The following RBL1 variants were observed in gnomAD, a reference collection of about 807,000 sequenced individuals.
The protein encoded by RBL1 is RB transcriptional corepressor like 1.
In RBL1, 82 loss-of-function variants were observed where a neutral mutation model predicts 123.0. The observed-to-expected ratio is 0.67, with a 90% confidence interval of 0.56 to 0.80. The LOEUF (loss-of-function observed/expected upper bound fraction) is 0.80. RBL1 is among the 30% of genes least tolerant of loss of function. RBL1 has a pLI of 0.00. For synonymous variants in RBL1, 405 were observed against 441.3 expected, an observed-to-expected ratio of 0.92 and a Z score of 1.03; for missense variants, 1,171 against 1,299.6, an observed-to-expected ratio of 0.90 and a Z score of 1.52.
Position 37,081,939 on chromosome 20 carries a change from A to G in RBL1, c.290+7050T>C, listed in dbSNP as rs948266963. ...TTGGGTGAATGGTACCAAGGCTCCA[A>G]TTATAATATCAGTAAATGGAGGCTC... On this transcript the variant is annotated intron_variant, in intron 2 of 21. Transcript: ENST00000373664. 8.8e-6 allele frequency: 4 copies of G among 454,918 alleles called. No homozygotes were observed. The Admixed American group carries it at 9.5e-5, about 11-fold the overall frequency. The allele number at this position is 454,918 out of a possible 1,614,324, so 28.2% of individuals were successfully genotyped here. A position where few individuals can be genotyped will look rare whatever the true frequency, so the allele number is the denominator to read the frequency against.
At chr20:37,039,928 A>G (rs1166957618) in intron 14 of RBL1, among the ~76,000 whole-genome samples, 1 of 152,074 alleles carries the variant, frequency 6.6e-6, no homozygotes, top group African/African-American at 2.4e-5. Context: ...ATATTTATTA[A>G]ATAAATTACA....
intron 16 of RBL1, among the ~76,000 whole-genome samples, chr20:37,031,560 T>C (rs2064512105): frequency 6.6e-6 from 1 of 152,300 alleles, no homozygotes; most frequent in South Asian, 2.1e-4. Context: ...ACACGAAACG[T>C]TGGCAACGAT....
At chr20:37,023,737 G>A (rs375830727) in intron 16 of RBL1, among the ~76,000 whole-genome samples, 6 of 149,922 alleles carry the variant, frequency 4.0e-5, no homozygotes, top group Non-Finnish European at 8.9e-5. Flanking sequence ...CTTGATAACC[G>A]TGATGTGGTA....
chr20:37,014,500 TTAA>T (rs1345440891), intron 19 of RBL1, among the ~76,000 whole-genome samples: 7 of 152,124 alleles, frequency 4.6e-5, no homozygotes, highest in African/African-American at 1.7e-4. Context: ...ATATATCTAG[TTAA>T]TAACCGTATG....
At chr20:37,066,600 G>A in intron 6 of RBL1, 124 bp downstream of exon 6, 2 of 847,632 alleles carry the variant, frequency 2.4e-6, no homozygotes, top group Admixed American at 2.8e-5. Flanking sequence ...TCACAGTAGA[G>A]GCTAAAGCCT....
intron 2 of RBL1, among the ~76,000 whole-genome samples, chr20:37,086,679 T>C (rs530896927): frequency 1.3e-5 from 2 of 152,368 alleles, no homozygotes; most frequent in South Asian, 2.1e-4. Context: ...ACAAATAGTT[T>C]TGTCCCAGAA....
chr20:37,053,905 A>G (rs1482099236), intron 11 of RBL1, among the ~76,000 whole-genome samples: 1 of 152,204 alleles, frequency 6.6e-6, no homozygotes, highest in East Asian at 1.9e-4. Flanking sequence ...GTAGAAGTGG[A>G]AAACAATAAT....
intron 21 of RBL1, among the ~76,000 whole-genome samples, chr20:37,000,920 C>A (rs2063965330): frequency 6.9e-6 from 1 of 144,760 alleles, no homozygotes; most frequent in Non-Finnish European, 1.5e-5. Context: ...CCCCGCCCGG[C>A]CAGCCGCCCC....
chr20:37,054,827 C>T (rs946565326), intron 11 of RBL1, among the ~76,000 whole-genome samples: 7 of 149,762 alleles, frequency 4.7e-5, no homozygotes, highest in Admixed American at 2.7e-4. Context: ...AAGACTCAGT[C>T]TAAAAAAAAA....
At chr20:37,043,585 T>A (rs925271097) in intron 13 of RBL1, among the ~76,000 whole-genome samples, 3 of 152,020 alleles carry the variant, frequency 2.0e-5, no homozygotes, top group Non-Finnish European at 4.4e-5. Context: ...AGAAGGACAG[T>A]TTGGGCCGAG....
intron 9 of RBL1, among the ~76,000 whole-genome samples, chr20:37,060,384 CA>C (rs1460077899): frequency 3.9e-5 from 6 of 151,920 alleles, no homozygotes; most frequent in Admixed American, 3.3e-4. Flanking sequence ...ATGCATAACT[CA>C]GGGGTAGTTA....
At chr20:37,054,357 C>T (rs1354856664) in intron 11 of RBL1, among the ~76,000 whole-genome samples, 1 of 151,842 alleles carries the variant, frequency 6.6e-6, no homozygotes, top group African/African-American at 2.4e-5. Context: ...TGGTGGCAGG[C>T]GCCTGTAATC....
intron 16 of RBL1, among the ~76,000 whole-genome samples, chr20:37,030,512 G>A (rs979737758): frequency 1.3e-5 from 2 of 151,324 alleles, no homozygotes; most frequent in African/African-American, 4.9e-5. Flanking sequence ...TTAAGCTCAC[G>A]AGTTGAGACC....
chr20:37,075,707 C>T (rs1260419690), intron 2 of RBL1, among the ~76,000 whole-genome samples: 16 of 152,148 alleles, frequency 1.1e-4, no homozygotes, highest in African/African-American at 3.6e-4. Context: ...CCACCCACCT[C>T]GGCCTCCCAA....
intron 19 of RBL1, among the ~76,000 whole-genome samples, chr20:37,015,063 CAAAA>C (rs1185151735): frequency 7.1e-5 from 5 of 70,322 alleles, no homozygotes; most frequent in Non-Finnish European, 1.5e-4. Context: ...GACTGTATCT[CAAAA>C]AAAAAAAAAA....
At chr20:37,022,406 A>G (rs2064355300) in intron 17 of RBL1, among the ~76,000 whole-genome samples, 1 of 152,158 alleles carries the variant, frequency 6.6e-6, no homozygotes, top group South Asian at 2.1e-4. Flanking sequence ...GGCTCACTGC[A>G]GCCTTGGCCT....
chr20:37,034,559 C>T (rs2064571132), intron 15 of RBL1, among the ~76,000 whole-genome samples: 1 of 151,992 alleles, frequency 6.6e-6, no homozygotes, highest in Non-Finnish European at 1.5e-5. Context: ...TGGCACTTGC[C>T]TGTGGTCCCA....
intron 16 of RBL1, among the ~76,000 whole-genome samples, chr20:37,031,807 C>T (rs2064516440): frequency 5.3e-5 from 8 of 151,776 alleles, no homozygotes; most frequent in Admixed American, 5.3e-4. Context: ...GGTGTGATCT[C>T]GACTCACTGT....
intron 2 of RBL1, among the ~76,000 whole-genome samples, chr20:37,068,901 C>G (rs569814358): frequency 6.6e-6 from 1 of 152,230 alleles, no homozygotes; most frequent in Non-Finnish European, 1.5e-5. Context: ...CATGCTGAGC[C>G]GAAGCTGGAC....
Sources: allele counts gnomAD v4.1 joint callset (sites outside exome capture counted in the v4.1 genomes callset), GRCh38; gene constraint gnomAD v4.1.1; transcripts MANE v1.5; gene names NCBI Gene and HGNC (gene_info 2026-07-23, HGNC 2026-07-21).